The following OSBPL6 variants were observed in gnomAD, a reference collection of about 807,000 sequenced individuals.
OSBPL6 encodes the protein oxysterol binding protein like 6, also known as oxysterol-binding protein-related protein 6.
In OSBPL6, 49 loss-of-function variants were observed where a neutral mutation model predicts 125.8. The ratio of observed to expected loss-of-function variants is 0.39; its 90% confidence interval spans 0.31 to 0.49. OSBPL6 has a LOEUF of 0.49. OSBPL6 is among the 20% of genes least tolerant of loss of function. The probability of loss-of-function intolerance (pLI) is 0.88; values close to 1 mark genes in which losing one functional copy is unlikely to be tolerated. For synonymous variants in OSBPL6, 394 were observed against 391.8 expected (o/e 1.01, Z -0.07); for missense variants, 986 against 1,135.4 (o/e 0.87, Z 1.89).
chr2:178,356,310 A>G (rs1235163449), intron 12 of OSBPL6, among the ~76,000 whole-genome samples: 1 of 152,206 alleles, frequency 6.6e-6, no homozygotes, highest in Admixed American at 6.5e-5. Flanking sequence ...CCCTGTTTGC[A>G]GATGACATGA....
rs990708856 is a variant in OSBPL6 at position 178,384,135 on chromosome 2, T to A, written c.1972T>A (p.Cys658Ser). 1 of 1,614,166 alleles carries A rather than the reference T, an allele frequency of 6.2e-7. No individual in the cohort carries two copies. ...CCCAGTCCTTGGGGAGACTTATGAA[T>A]GCATTAGAGAAGACAAGGGATTCCG... is the stretch of plus-strand genomic sequence containing the variant. ...FNPVLGETYE[C>S]IREDKGFRFF... Residue 658 changes from cysteine to serine, a missense_variant, in exon 18 of 25, where the codon TGC (cysteine) becomes AGC (serine). Physicochemically the swap from Cys to Ser is moderately radical, Grantham distance 112. Transcript: ENST00000190611.
chr2:178,227,317 G>A (rs2153976077), intron 1 of OSBPL6, among the ~76,000 whole-genome samples: 1 of 152,298 alleles, frequency 6.6e-6, no homozygotes, highest in Non-Finnish European at 1.5e-5. Context: ...TCTAGAGCTA[G>A]GGCAAATATG....
intron 10 of OSBPL6, 36 bp downstream of exon 10, chr2:178,339,130 G>A (rs1186928028): frequency 3.8e-6 from 5 of 1,327,448 alleles, no homozygotes; most frequent in South Asian, 2.5e-5. Flanking sequence ...AAGGACTTAG[G>A]GTATTAATTA....
Position 178,239,971 on chromosome 2 carries a change from A to C in OSBPL6, c.-350-44956A>C, listed in dbSNP as rs189566636. On this transcript the variant is annotated intron_variant, in intron 1 of 24. Coordinates refer to ENST00000190611, the MANE Select transcript of OSBPL6 (RefSeq NM_032523.4). ...AAATCAAATTTTAATACTTTGTTAC[A>C]CACAAATTTAAGTATATTTTATTTT... 1.0e-3 allele frequency among the ~76,000 whole-genome samples: 159 copies of C among 152,224 alleles called. 1 individual carries two copies. Among genetic ancestry groups the C allele is most frequent in the Non-Finnish European group, 2.4e-4 (16 of 68,012 alleles).
chr2:178,307,926 C>G (rs1686925676), intron 3 of OSBPL6, among the ~76,000 whole-genome samples: 1 of 152,196 alleles, frequency 6.6e-6, no homozygotes, highest in South Asian at 2.1e-4. Flanking sequence ...TAGGGAAACA[C>G]TGAGACCCTG....
chr2:178,390,977 G>A, intron 21 of OSBPL6, 96 bp from the exon 22 acceptor site: 1 of 1,480,542 alleles, frequency 6.8e-7, no homozygotes, highest in African/African-American at 1.4e-5. Context: ...GTTTGAATAA[G>A]GGACTTCAAG....
rs570356764 is a variant in OSBPL6, at chr2:178,378,280, C to G, written c.1534-4140C>G. On this transcript the variant is annotated intron_variant, in intron 15 of 24. Transcript: ENST00000190611. ...GAAGGCAGAGATTTAACCACTGTGT[C>G]TCCTGCACTAAAACAGTTCTGGTGA... Among the ~76,000 whole-genome samples the G allele has an allele frequency of 5.3e-5, 8 of 152,300 alleles. 1 individual carries two copies. The South Asian group carries it at 1.7e-3, about 32-fold the overall frequency.
intron 11 of OSBPL6, among the ~76,000 whole-genome samples, chr2:178,340,766 T>A (rs2154082577): frequency 6.6e-6 from 1 of 152,302 alleles, no homozygotes; most frequent in South Asian, 2.1e-4. Context: ...ACAAAATAAT[T>A]CTTCTCTAAT....
chr2:178,333,162 C>T lies in OSBPL6; in HGVS notation c.657+121C>T, dbSNP rs1254174321. ...CTTTGGGAGGCCAAGGCGGGTGGAT[C>T]GCCTGACAGCCAGGAGTTCGAGACC... is the stretch of plus-strand genomic sequence containing the variant. On this transcript the variant is annotated intron_variant, in intron 8 of 24. Transcript: ENST00000190611. 34 of 1,035,174 alleles carry T rather than the reference C, an allele frequency of 3.3e-5. No individual in the cohort carries two copies. In the South Asian group the frequency reaches 3.4e-4, roughly 10 times the overall value. The allele number at this position is 1,035,174 out of a possible 1,614,324, so 64.1% of individuals were successfully genotyped here. A position where few individuals can be genotyped will look rare whatever the true frequency, so the allele number is the denominator to read the frequency against.
At chr2:178,328,487 C>A in intron 5 of OSBPL6, 109 bp downstream of exon 5, 1 of 1,322,282 alleles carries the variant, frequency 7.6e-7, no homozygotes, top group Non-Finnish European at 1.0e-6. Context: ...GTAAAACTAG[C>A]TTTTTAAAAC....
Position 178,394,352 on chromosome 2 carries a change from G to A in OSBPL6, c.2613G>A (p.Glu871=), listed in dbSNP as rs1451237936. 7 of 1,613,520 alleles carry A rather than the reference G, an allele frequency of 4.3e-6. No individual in the cohort carries two copies. Among genetic ancestry groups the A allele is most frequent in the Admixed American group, 1.7e-5 (1 of 59,878 alleles). Residue 871 remains glutamate (E), a synonymous_variant, in exon 24 of 25, where the codon GAG becomes GAA. Transcript: ENST00000190611. ...EEGNLEAAAS[E]KQRVEELQRS... ...GAAATTTAGAAGCTGCAGCATCAGA[G>A]AAGCAAAGAGTAGAGGAACTCCAGA...
chr2:178,213,656 TA>T, intron 1 of OSBPL6, among the ~76,000 whole-genome samples: 1 of 152,248 alleles, frequency 6.6e-6, no homozygotes, highest in Non-Finnish European at 1.5e-5. Context: ...ACTATGTGCT[TA>T]AACACGTGCA....
chr2:178,295,327 T>G (rs1181761731), intron 2 of OSBPL6, among the ~76,000 whole-genome samples: 1 of 152,190 alleles, frequency 6.6e-6, no homozygotes. Flanking sequence ...TGTTATTTCA[T>G]AGTCTAGCGG....
At chr2:178,385,149 T>G (rs10198589) in intron 18 of OSBPL6, among the ~76,000 whole-genome samples, 2,113 of 152,190 alleles carry the variant, frequency 0.014, 57 homozygotes, top group African/African-American at 0.048. Context: ...ATGGGTTGAT[T>G]GGTGCAGCAA....
intron 1 of OSBPL6, among the ~76,000 whole-genome samples, chr2:178,228,428 G>A (rs922812251): frequency 6.6e-6 from 1 of 152,166 alleles, no homozygotes; most frequent in Non-Finnish European, 1.5e-5. Context: ...TCAGCTACTC[G>A]GGAGGCTGAG....
chr2:178,314,955 A>G (rs1444041319), intron 3 of OSBPL6, among the ~76,000 whole-genome samples: 1 of 152,152 alleles, frequency 6.6e-6, no homozygotes, highest in East Asian at 1.9e-4. Flanking sequence ...ATCATTTTTT[A>G]GTTAGGTATT....
At chr2:178,257,648 T>C (rs1013652289) in intron 1 of OSBPL6, among the ~76,000 whole-genome samples, 2 of 152,150 alleles carry the variant, frequency 1.3e-5, no homozygotes, top group Non-Finnish European at 2.9e-5. Flanking sequence ...CAACCTAAGG[T>C]TATTTTGAAT....
In OSBPL6 at chr2:178,324,190, T is replaced by A. The variant is rs1280543775; in HGVS notation, c.116T>A (p.Leu39Gln). The change falls in exon 4 of 25, where the codon CTG becomes CAG. Residue 39 changes from leucine (L) to glutamine (Q), a missense_variant. Transcript: ENST00000190611. Reference sequence around the variant, plus strand: ...ATTTATTTTCAGAGTATTCACATACTGGAGAGGACTGCTTCCTCTAGCACC... The same window carrying A: ...ATTTATTTTCAGAGTATTCACATACAGGAGAGGACTGCTTCCTCTAGCACC... ...QRDSRQSIHI[L>Q]ERTASSSTEP... 6 of 1,546,910 alleles carry A rather than the reference T, an allele frequency of 3.9e-6. No individual in the cohort carries two copies. The African/African-American group carries it at 8.1e-5, about 21-fold the overall frequency.
At chr2:178,258,546 C>G (rs938268016) in intron 1 of OSBPL6, among the ~76,000 whole-genome samples, 3 of 152,204 alleles carry the variant, frequency 2.0e-5, no homozygotes, top group South Asian at 2.1e-4. Context: ...TCCACCAACT[C>G]TCAGCCCCAC....
Sources: allele counts gnomAD v4.1 joint callset (sites outside exome capture counted in the v4.1 genomes callset), GRCh38; gene constraint gnomAD v4.1.1; transcripts MANE v1.5; gene names NCBI Gene and HGNC (gene_info 2026-07-23, HGNC 2026-07-21).